Variants in ADAMTS17 observed in about 807,000 individuals in gnomAD.
The protein encoded by ADAMTS17 is A disintegrin and metalloproteinase with thrombospondin motifs 17.
In ADAMTS17, 113 loss-of-function variants were observed where a neutral mutation model predicts 141.5. The observed-to-expected ratio is 0.80, with a 90% CI of 0.69 to 0.93. ADAMTS17 has a LOEUF of 0.93. Ranked by LOEUF, ADAMTS17 falls within the 40% of genes least tolerant of loss-of-function variation. The pLI, the probability that ADAMTS17 is intolerant of heterozygous loss-of-function variation, is 0.00. For missense variants in ADAMTS17, 1,659 were observed against 1,517.9 expected (o/e 1.09, Z -1.54); for synonymous variants, 768 against 630.6 (o/e 1.22, Z -3.27).
At chr15:100,204,000 T>C (rs2041439557) in intron 7 of ADAMTS17, among the ~76,000 whole-genome samples, 1 of 152,176 alleles carries the variant, frequency 6.6e-6, no homozygotes, top group African/African-American at 2.4e-5. Flanking sequence ...CTGTGACCCA[T>C]CTTCCCATCC....
At chr15:100,309,119 T>G (rs1260166402) in intron 3 of ADAMTS17, among the ~76,000 whole-genome samples, 1 of 152,236 alleles carries the variant, frequency 6.6e-6, no homozygotes, top group Non-Finnish European at 1.5e-5. Context: ...CCCAGCACTT[T>G]GGGAGGCAGA....
chr15:100,249,188 G>A (rs2043077014), intron 7 of ADAMTS17, among the ~76,000 whole-genome samples: 1 of 152,150 alleles, frequency 6.6e-6, no homozygotes, highest in Non-Finnish European at 1.5e-5. Flanking sequence ...TGCACTGCAG[G>A]GCTCAGGAGA....
intron 7 of ADAMTS17, among the ~76,000 whole-genome samples, chr15:100,243,559 G>A (rs1174129085): frequency 1.3e-5 from 2 of 152,174 alleles, no homozygotes; most frequent in African/African-American, 4.8e-5. Context: ...GGAGGCCAAG[G>A]AGGGTGGATC....
At position 100,080,426 on chromosome 15, in the gene ADAMTS17, AG is replaced by A. The variant is rs1452631715; in HGVS notation, c.2137+15929del. 5.9e-5 allele frequency among the ~76,000 whole-genome samples: 9 copies of A among 152,314 alleles called. No individual in the cohort carries two copies. The East Asian group carries it at 1.7e-3, about 29-fold the overall frequency. On this transcript the variant is annotated intron_variant, in intron 15 of 21. Coordinates refer to ENST00000268070, the MANE Select transcript of ADAMTS17 (RefSeq NM_139057.4). ...ATGCATGGAATACAGGAGATCCATT[AG>A]GGCGTCTCTTAGTATCACCATGCCC... is the stretch of plus-strand genomic sequence containing the variant.
At chr15:100,055,145 C>G (rs1212481912) in intron 15 of ADAMTS17, among the ~76,000 whole-genome samples, 1 of 152,166 alleles carries the variant, frequency 6.6e-6, no homozygotes, top group Admixed American at 6.5e-5. Flanking sequence ...TCCCTGTACA[C>G]ACAACTGGAG....
chr15:100,097,964 T>C (rs2035865062), intron 14 of ADAMTS17, among the ~76,000 whole-genome samples: 2 of 152,178 alleles, frequency 1.3e-5, no homozygotes, highest in South Asian at 2.1e-4. Flanking sequence ...GAGAAGACTT[T>C]TAGATGTTCT....
chr15:100,148,231 C>T (rs1354468064), intron 10 of ADAMTS17, among the ~76,000 whole-genome samples: 1 of 152,236 alleles, frequency 6.6e-6, no homozygotes, highest in African/African-American at 2.4e-5. Flanking sequence ...TATATTCTTA[C>T]TGTTTTTCAT....
chr15:100,285,809 T>C (rs747259794), intron 3 of ADAMTS17, among the ~76,000 whole-genome samples: 4 of 152,106 alleles, frequency 2.6e-5, no homozygotes, highest in Non-Finnish European at 5.9e-5. Flanking sequence ...CAGTGGAGCA[T>C]GGCCATGGAT....
In ADAMTS17 at chr15:100,162,402, G is replaced by A. The variant is rs1286175851; in HGVS notation, c.1182-7082C>T. Among the ~76,000 whole-genome samples, 12 of 144,428 alleles carry A rather than the reference G, an allele frequency of 8.3e-5. No homozygotes were observed. In the Admixed American group the frequency reaches 8.4e-4, roughly 10 times the overall value. 94.8% of individuals were successfully genotyped at this position (144,428 alleles called of 152,430 possible). A position where few individuals can be genotyped will look rare whatever the true frequency, so the allele number is the denominator to read the frequency against. On this transcript the variant is annotated intron_variant, in intron 8 of 21. Transcript: ENST00000268070. ...GTTATATATATAACTATCTATATGT[G>A]TATATATGTGTATATATAACTATAT...
rs777383202 is a variant in ADAMTS17 at position 100,261,557 on chromosome 15, G to A, written c.953C>T (p.Ala318Val). Reference protein sequence around the residue: ...CHWQNEEYGGARYLGNNQVPG... With the variant: ...CHWQNEEYGGVRYLGNNQVPG... Reference sequence around the variant, plus strand: ...AACCTGGTTATTGCCGAGGTATCGCGCTCCTCCATACTCCTCGTTCTGCCA... The same window carrying A: ...AACCTGGTTATTGCCGAGGTATCGCACTCCTCCATACTCCTCGTTCTGCCA... Residue 318 changes from alanine to valine, a missense_variant, in exon 6 of 22, where the codon GCG (alanine) becomes GTG (valine). By Grantham distance (64) the Ala-to-Val change is moderately conservative. Transcript: ENST00000268070. The A allele has an allele frequency of 2.1e-5, 34 of 1,614,000 alleles. No individual in the cohort carries two copies. In the East Asian group the frequency reaches 3.3e-4, roughly 16 times the overall value.
intron 3 of ADAMTS17, among the ~76,000 whole-genome samples, chr15:100,318,936 G>A (rs537399604): frequency 6.6e-6 from 1 of 152,242 alleles, no homozygotes; most frequent in Non-Finnish European, 1.5e-5. Flanking sequence ...CAGGATACCA[G>A]CGGGACATGG....
intron 20 of ADAMTS17, among the ~76,000 whole-genome samples, chr15:99,984,508 G>A (rs1009630064): frequency 3.3e-5 from 5 of 152,248 alleles, no homozygotes; most frequent in African/African-American, 1.2e-4. Context: ...GATGAGAGAA[G>A]AGGCTGATGA....
intron 18 of ADAMTS17, among the ~76,000 whole-genome samples, chr15:100,042,440 C>A (rs2031336882): frequency 6.6e-6 from 1 of 152,120 alleles, no homozygotes; most frequent in African/African-American, 2.4e-5. Context: ...AGATTTCTTT[C>A]TTCTTTTTCT....
intron 17 of ADAMTS17, among the ~76,000 whole-genome samples, chr15:100,050,560 G>C (rs1335563002): frequency 6.6e-6 from 1 of 152,242 alleles, no homozygotes; most frequent in Non-Finnish European, 1.5e-5. Flanking sequence ...AGATGCCCAG[G>C]AAGAAACTCC....
At chr15:100,290,033 A>G (rs1241714719) in intron 3 of ADAMTS17, among the ~76,000 whole-genome samples, 1 of 152,180 alleles carries the variant, frequency 6.6e-6, no homozygotes, top group Non-Finnish European at 1.5e-5. Context: ...GGCAAGAGAA[A>G]GAAATAAAAG....
At chr15:100,156,834 C>T (rs886577330) in intron 8 of ADAMTS17, among the ~76,000 whole-genome samples, 13 of 152,186 alleles carry the variant, frequency 8.5e-5, no homozygotes, top group African/African-American at 3.1e-4. Context: ...CACACACACA[C>T]ATGCACATAT....
chr15:100,190,949 T>C (rs1309984773), intron 8 of ADAMTS17, among the ~76,000 whole-genome samples: 1 of 152,074 alleles, frequency 6.6e-6, no homozygotes, highest in Middle Eastern at 3.2e-3. Flanking sequence ...CTGGGCCACA[T>C]AGCGCCGTGG....
At position 100,230,520 on chromosome 15, in the gene ADAMTS17, T is replaced by C. The variant is rs1167438639; in HGVS notation, c.1075+23616A>G. 3.3e-5 allele frequency among the ~76,000 whole-genome samples: 5 copies of C among 152,172 alleles called. No individual in the cohort carries two copies. The East Asian group carries it at 9.6e-4, about 29-fold the overall frequency. ...AGGGGTGGAGGAAACGGGGTTAGAC[T>C]GGGATGGTCTGCAAATTGCAATGGC... On this transcript the variant is annotated intron_variant, in intron 7 of 21. Transcript: ENST00000268070.
chr15:100,281,161 C>A (rs573979843), intron 4 of ADAMTS17, 68 bp downstream of exon 4: 1 of 1,592,614 alleles, frequency 6.3e-7, no homozygotes, highest in Admixed American at 1.7e-5. Context: ...GACACAGCAC[C>A]TGCTTCCAGA....
Sources: allele counts gnomAD v4.1 joint callset (sites outside exome capture counted in the v4.1 genomes callset), GRCh38; gene constraint gnomAD v4.1.1; transcripts MANE v1.5; gene names NCBI Gene and HGNC (gene_info 2026-07-23, HGNC 2026-07-21).